Variants in HHAT observed in about 807,000 individuals in gnomAD.
The protein encoded by HHAT is hedgehog acyltransferase.
Under a neutral mutation model 70.8 loss-of-function variants are expected in HHAT, and 47 were observed. The observed-to-expected ratio is 0.66, with a 90% confidence interval of 0.53 to 0.85. HHAT has a LOEUF of 0.85. Among genes scored for constraint, HHAT ranks in the 40% least tolerant of loss-of-function variants. The pLI is 0.00. For missense variants in HHAT, 609 were observed against 604.8 expected, an observed-to-expected ratio of 1.01 and a Z score of -0.07; for synonymous variants, 228 against 247.6, an observed-to-expected ratio of 0.92 and a Z score of 0.74.
intron 9 of HHAT, among the ~76,000 whole-genome samples, chr1:210,541,689 T>C (rs748120460): frequency 1.2e-4 from 18 of 152,188 alleles, no homozygotes; most frequent in Non-Finnish European, 1.8e-4. Flanking sequence ...ATTGTGCCAC[T>C]GCACTACAGC....
chr1:210,427,451 T>G (rs1354741639), intron 7 of HHAT, among the ~76,000 whole-genome samples: 1 of 152,184 alleles, frequency 6.6e-6, no homozygotes, highest in African/African-American at 2.4e-5. Context: ...GTGCTATAAC[T>G]TTCCCTCTTA....
At position 210,674,672 on chromosome 1, in the gene HHAT, C is replaced by G. The variant is rs957405433; in HGVS notation, c.*293C>G. 3 of 333,560 alleles carry G rather than the reference C, an allele frequency of 9.0e-6. No homozygotes were observed. Among genetic ancestry groups the G allele is most frequent in the Non-Finnish European group, 1.1e-5 (2 of 183,594 alleles). 20.7% of individuals were successfully genotyped at this position (333,560 alleles called of 1,614,324 possible). A position where few individuals can be genotyped will look rare whatever the true frequency, so the allele number is the denominator to read the frequency against. On this transcript the variant is annotated 3_prime_UTR_variant, in exon 12 of 12. Transcript: ENST00000261458. ...ACAGGGTGACATTTTGGTCTAGAAC[C>G]TAGTCTCATGAGCCCTTTGCATTCT...
At chr1:210,526,661 T>C (rs2095254367) in intron 9 of HHAT, among the ~76,000 whole-genome samples, 2 of 152,118 alleles carry the variant, frequency 1.3e-5, no homozygotes, top group Non-Finnish European at 1.5e-5. Context: ...TTTTCTTATT[T>C]GTGAGATGAG....
At chr1:210,632,114 T>G (rs1670977849) in intron 11 of HHAT, among the ~76,000 whole-genome samples, 1 of 152,124 alleles carries the variant, frequency 6.6e-6, no homozygotes, top group South Asian at 2.1e-4. Context: ...TGGAGTATTC[T>G]CTCTAAGGGG....
At chr1:210,451,087 CAAA>C (rs36045825) in intron 7 of HHAT, among the ~76,000 whole-genome samples, 18 of 91,634 alleles carry the variant, frequency 2.0e-4, no homozygotes, top group East Asian at 1.5e-3. Flanking sequence ...ACTCCATCTC[CAAA>C]AAAAAAAAAA....
chr1:210,458,845 T>C (rs1017810061), intron 7 of HHAT, among the ~76,000 whole-genome samples: 1 of 152,146 alleles, frequency 6.6e-6, no homozygotes, highest in East Asian at 1.9e-4. Context: ...CTTCTTCATT[T>C]TTAGTTAAAA....
chr1:210,553,382 G>T, intron 9 of HHAT, among the ~76,000 whole-genome samples: 1 of 152,200 alleles, frequency 6.6e-6, no homozygotes, highest in Non-Finnish European at 1.5e-5. Flanking sequence ...CTAGATTCAG[G>T]AGCCTTCCAG....
chr1:210,403,450 AT>A (rs1055372085), intron 5 of HHAT, among the ~76,000 whole-genome samples: 1 of 152,214 alleles, frequency 6.6e-6, no homozygotes, highest in Admixed American at 6.5e-5. Flanking sequence ...TTTTACAGTG[AT>A]TTGAAAAACA....
chr1:210,470,853 G>A (rs1379938077), intron 8 of HHAT, among the ~76,000 whole-genome samples: 1 of 152,168 alleles, frequency 6.6e-6, no homozygotes, highest in East Asian at 1.9e-4. Flanking sequence ...TGACCTCTCT[G>A]TGCCTTCGTT....
intron 11 of HHAT, among the ~76,000 whole-genome samples, chr1:210,652,146 G>A (rs1289389214): frequency 6.6e-6 from 1 of 152,170 alleles, no homozygotes; most frequent in African/African-American, 2.4e-5. Context: ...TTAAATGGGT[G>A]GGTGGATGGG....
chr1:210,612,046 G>T (rs1208454543), intron 10 of HHAT, among the ~76,000 whole-genome samples: 1 of 151,840 alleles, frequency 6.6e-6, no homozygotes, highest in East Asian at 1.9e-4. Context: ...ATGTATTTAG[G>T]CTCCTTTCCT....
intron 8 of HHAT, among the ~76,000 whole-genome samples, chr1:210,465,541 A>C (rs1469731303): frequency 7.2e-5 from 11 of 152,176 alleles, no homozygotes. Flanking sequence ...ACAAGTTCTC[A>C]CTATGTTTCC....
At chr1:210,553,138 G>C (rs1372856589) in intron 9 of HHAT, among the ~76,000 whole-genome samples, 1 of 152,192 alleles carries the variant, frequency 6.6e-6, no homozygotes, top group African/African-American at 2.4e-5. Context: ...AGGAAGATGG[G>C]AGATGGAACC....
At chr1:210,448,658 TCA>T (rs2093685060) in intron 7 of HHAT, among the ~76,000 whole-genome samples, 2 of 152,200 alleles carry the variant, frequency 1.3e-5, no homozygotes, top group African/African-American at 4.8e-5. Context: ...ATCCCAGCTT[TCA>T]TGATTTCCCT....
intron 2 of HHAT, among the ~76,000 whole-genome samples, chr1:210,350,840 G>T (rs1056329308): frequency 6.6e-6 from 1 of 152,026 alleles, no homozygotes; most frequent in African/African-American, 2.4e-5. Flanking sequence ...AATTTAACTG[G>T]GGAAACTTCT....
intron 11 of HHAT, among the ~76,000 whole-genome samples, chr1:210,631,679 G>A (rs1670893558): frequency 6.6e-6 from 1 of 152,200 alleles, no homozygotes; most frequent in South Asian, 2.1e-4. Context: ...CTGAGGGCCT[G>A]TGACTGTCAC....
chr1:210,489,392 G>T (rs910584253), intron 8 of HHAT, among the ~76,000 whole-genome samples: 2 of 152,134 alleles, frequency 1.3e-5, no homozygotes, highest in Non-Finnish European at 2.9e-5. Context: ...GAGGCTGTCA[G>T]CTTAATGCCA....
At chr1:210,560,112 G>T (rs1008893578) in intron 9 of HHAT, among the ~76,000 whole-genome samples, 3 of 152,158 alleles carry the variant, frequency 2.0e-5, no homozygotes, top group Non-Finnish European at 2.9e-5. Flanking sequence ...AGGATCAAAT[G>T]AAAACCCTCA....
chr1:210,338,917 G>A (rs1355816508), intron 1 of HHAT, among the ~76,000 whole-genome samples: 1 of 152,168 alleles, frequency 6.6e-6, no homozygotes, highest in African/African-American at 2.4e-5. Flanking sequence ...CAGGCACAGT[G>A]GTGTGCACCT....
Sources: allele counts gnomAD v4.1 joint callset (sites outside exome capture counted in the v4.1 genomes callset), GRCh38; gene constraint gnomAD v4.1.1; transcripts MANE v1.5; gene names NCBI Gene and HGNC (gene_info 2026-07-23, HGNC 2026-07-21).